The following CDH8 variants were observed in gnomAD, a reference collection of about 807,000 sequenced individuals.
CDH8 encodes the protein cadherin-8.
In CDH8, 17 loss-of-function variants were observed where a neutral mutation model predicts 68.1. The ratio of observed to expected loss-of-function variants is 0.25; its 90% CI spans 0.17 to 0.37. CDH8 has a LOEUF of 0.37. Ranked by LOEUF, CDH8 falls within the 10% of genes least tolerant of loss-of-function variation. The probability of loss-of-function intolerance (pLI) is 1.00; values close to 1 mark genes in which losing one functional copy is unlikely to be tolerated. For missense variants in CDH8, 763 were observed against 999.3 expected, an observed-to-expected ratio of 0.76 and a Z score of 3.19; for synonymous variants, 372 against 365.1, an observed-to-expected ratio of 1.02 and a Z score of -0.21.
At chr16:61,749,277 C>G (rs899879276) in intron 8 of CDH8, among the ~76,000 whole-genome samples, 5 of 152,008 alleles carry the variant, frequency 3.3e-5, no homozygotes, top group Admixed American at 1.3e-4. Context: ...AGTGGTAAAA[C>G]TCTGTATTTA....
At chr16:61,724,412 C>G (rs892305252) in intron 9 of CDH8, among the ~76,000 whole-genome samples, 5 of 150,604 alleles carry the variant, frequency 3.3e-5, no homozygotes, top group African/African-American at 4.9e-5. Context: ...CATGTTGATA[C>G]TCGTTTTCAT....
intron 2 of CDH8, among the ~76,000 whole-genome samples, chr16:62,005,755 AAAC>A (rs1164541656): frequency 7.3e-5 from 11 of 151,310 alleles, no homozygotes; most frequent in East Asian, 5.8e-4. Flanking sequence ...AAAAAAAAAA[AAAC>A]ATTGCCCAGG....
At chr16:61,927,111 G>T (rs1207472947) in intron 2 of CDH8, among the ~76,000 whole-genome samples, 1 of 152,130 alleles carries the variant, frequency 6.6e-6, no homozygotes, top group South Asian at 2.1e-4. Context: ...AAGAATATGG[G>T]TTTTGAAGTT....
In CDH8 at chr16:61,825,190, A is replaced by G. The variant is rs1204821059; in HGVS notation, c.668-11T>C. On this transcript the variant is annotated splice_polypyrimidine_tract_variant and intron_variant, in intron 4 of 11. Coordinates refer to ENST00000577390, the MANE Select transcript of CDH8 (RefSeq NM_001796.5). Reference sequence around the variant, plus strand: ...CAGTTTTTATAATAGCTGAGGGGGAAAATGGAAGAATGACTTTCAGTCACA... The same window carrying G: ...CAGTTTTTATAATAGCTGAGGGGGAGAATGGAAGAATGACTTTCAGTCACA... 1 of 1,595,606 alleles carries G rather than the reference A, an allele frequency of 6.3e-7. No homozygotes were observed. The highest frequency in any genetic ancestry group is 8.5e-7 in the Non-Finnish European group (1 of 1,172,054).
rs149757905 is a variant in CDH8, at chr16:61,729,644, T to C, written c.1415-2429A>G. On this transcript the variant is annotated intron_variant, in intron 8 of 11. Transcript: ENST00000577390. ...TTTAACTCTGTAACACTCATTCTTT[T>C]CATTCGACATCCTAGACCAATTCCT... Among the ~76,000 whole-genome samples the C allele has an allele frequency of 2.2e-3, 338 of 151,460 alleles. 1 individual carries two copies. The highest frequency in any genetic ancestry group is 7.6e-3 in the African/African-American group (316 of 41,462).
chr16:61,730,230 C>A (rs941442915), intron 8 of CDH8, among the ~76,000 whole-genome samples: 1 of 151,328 alleles, frequency 6.6e-6, no homozygotes, highest in Non-Finnish European at 1.5e-5. Context: ...TTATTGGAGG[C>A]AATTTTCAAC....
In CDH8 at chr16:61,792,822, T is replaced by C. The variant is rs551798308; in HGVS notation, c.1278-3340A>G. ...ATAGGTGTGCCACACTTTACCAACA[T>C]GTGTGTGCTGACCGCTGTGTATAAC... On this transcript the variant is annotated intron_variant, in intron 7 of 11. Transcript: ENST00000577390. 3.9e-5 allele frequency among the ~76,000 whole-genome samples: 6 copies of C among 152,072 alleles called. No individual in the cohort carries two copies. The South Asian group carries it at 1.2e-3, about 32-fold the overall frequency.
chr16:62,030,496 TA>T (rs1902299742), intron 1 of CDH8, among the ~76,000 whole-genome samples: 1 of 152,192 alleles, frequency 6.6e-6, no homozygotes, highest in Non-Finnish European at 1.5e-5. Context: ...TGTGCCTTCG[TA>T]CTTTATAAAT....
intron 8 of CDH8, among the ~76,000 whole-genome samples, chr16:61,740,749 T>C (rs748723007): frequency 4.6e-5 from 7 of 152,182 alleles, no homozygotes; most frequent in Non-Finnish European, 7.4e-5. Context: ...TGGAAAGAAT[T>C]CCATTGTATG....
chr16:61,974,171 A>T (rs940139100), intron 2 of CDH8, among the ~76,000 whole-genome samples: 16 of 152,224 alleles, frequency 1.1e-4, no homozygotes, highest in Non-Finnish European at 2.2e-4. Context: ...GAAATACATT[A>T]ATAAAGTGAA....
At chr16:61,718,403 T>C (rs1354211278) in intron 9 of CDH8, among the ~76,000 whole-genome samples, 1 of 151,442 alleles carries the variant, frequency 6.6e-6, no homozygotes, top group Non-Finnish European at 1.5e-5. Flanking sequence ...CCAGCAATAA[T>C]GAACAGCATG....
chr16:61,726,991 T>C (rs1215078143), intron 9 of CDH8, 103 bp downstream of exon 9: 1 of 1,230,840 alleles, frequency 8.1e-7, no homozygotes, highest in Non-Finnish European at 1.2e-6. Context: ...CCTGAGACTT[T>C]GCAGATCATA....
At chr16:61,959,984 GTATATATATATATA>G (rs1181394965) in intron 2 of CDH8, among the ~76,000 whole-genome samples, 11 of 44,538 alleles carry the variant, frequency 2.5e-4, no homozygotes, top group Non-Finnish European at 2.8e-4. Flanking sequence ...GTGTGTGTGT[GTATATATATATATA>G]TATATATATA....
At chr16:61,830,003 C>T (rs1962422383) in intron 4 of CDH8, among the ~76,000 whole-genome samples, 2 of 151,838 alleles carry the variant, frequency 1.3e-5, no homozygotes, top group African/African-American at 4.8e-5. Flanking sequence ...TTCCTATTCA[C>T]AATGTATTTC....
chr16:61,899,313 AT>A (rs1244231885), intron 3 of CDH8, among the ~76,000 whole-genome samples: 1 of 152,146 alleles, frequency 6.6e-6, no homozygotes, highest in African/African-American at 2.4e-5. Context: ...TTAATGTGAA[AT>A]TTGAGCTGTC....
At chr16:61,913,894 G>A (rs1297679980) in intron 2 of CDH8, among the ~76,000 whole-genome samples, 2 of 151,910 alleles carry the variant, frequency 1.3e-5, no homozygotes, top group Non-Finnish European at 2.9e-5. Context: ...ACTGTTATAG[G>A]CTAAATTATT....
intron 7 of CDH8, among the ~76,000 whole-genome samples, chr16:61,817,091 G>A (rs887348185): frequency 6.6e-5 from 10 of 151,984 alleles, no homozygotes; most frequent in Non-Finnish European, 1.3e-4. Context: ...AAGAGACAGA[G>A]GACAAACTAG....
At chr16:61,664,165 G>T (rs1963623063) in intron 10 of CDH8, among the ~76,000 whole-genome samples, 1 of 151,764 alleles carries the variant, frequency 6.6e-6, no homozygotes, top group African/African-American at 2.4e-5. Flanking sequence ...GAATTGTGAA[G>T]ATGTATGTAT....
intron 3 of CDH8, among the ~76,000 whole-genome samples, chr16:61,866,813 G>C (rs1229311309): frequency 6.6e-6 from 1 of 152,142 alleles, no homozygotes; most frequent in Non-Finnish European, 1.5e-5. Flanking sequence ...CTCCAGGTGA[G>C]AGAATTTTGG....
Sources: gnomAD v4.1 joint callset for allele counts (sites outside exome capture counted in the v4.1 genomes callset) on GRCh38, gnomAD v4.1.1 for gene constraint, MANE v1.5 for transcripts, NCBI Gene and HGNC (gene_info 2026-07-23, HGNC 2026-07-21) for gene names.